ATAD1: variants seen among roughly 807,000 people sequenced by gnomAD.
ATAD1 encodes the protein ATPase family AAA domain containing 1.
A neutral mutation model predicts 42.7 loss-of-function variants in ATAD1; 18 were observed. That is an observed-to-expected ratio of 0.42 (90% CI 0.29 to 0.63). The LOEUF is 0.63. Ranked by LOEUF, ATAD1 falls within the 20% of genes least tolerant of loss-of-function variation. The pLI is 0.19. For synonymous variants in ATAD1, 132 were observed against 143.1 expected, an observed-to-expected ratio of 0.92 and a Z score of 0.55; for missense variants, 294 against 440.4, an observed-to-expected ratio of 0.67 and a Z score of 2.98.
At chr10:87,818,268 C>T, upstream of ATAD1, 1 of 985,410 alleles carries the variant, frequency 1.0e-6, no homozygotes. Flanking sequence ...GCGGCGCACT[C>T]CCTCCCACGG....
At chr10:87,777,025 T>C (rs546716036) in intron 5 of ATAD1, among the ~76,000 whole-genome samples, 14 of 152,356 alleles carry the variant, frequency 9.2e-5, no homozygotes, top group Admixed American at 1.3e-4. Flanking sequence ...TTAGACATTC[T>C]GATACAATAA....
intron 4 of ATAD1, among the ~76,000 whole-genome samples, chr10:87,788,685 C>G (rs566742271): frequency 6.6e-6 from 1 of 152,156 alleles, no homozygotes; most frequent in Non-Finnish European, 1.5e-5. Flanking sequence ...AAAAAAGAAG[C>G]TTTCTCCAAC....
intron 9 of ATAD1, among the ~76,000 whole-genome samples, chr10:87,756,350 T>A (rs1165193873): frequency 6.6e-6 from 1 of 152,246 alleles, no homozygotes; most frequent in African/African-American, 2.4e-5. Flanking sequence ...GTATCTTTGC[T>A]GAAATAAGGC....
chr10:87,809,439 G>A (rs752135837), intron 2 of ATAD1, among the ~76,000 whole-genome samples: 22 of 151,896 alleles, frequency 1.4e-4, no homozygotes, highest in Non-Finnish European at 2.8e-4. Flanking sequence ...GAGGAAGAGA[G>A]GTTGGTCTTT....
rs1348550397 is a variant in ATAD1 at position 87,790,439 on chromosome 10, A to T, written c.262-9T>A. The T allele has an allele frequency of 6.3e-6, 10 of 1,591,622 alleles. No homozygotes were observed. In the South Asian group the frequency reaches 1.2e-4, roughly 19 times the overall value. Reference sequence around the variant, plus strand: ...ATATCACTCCAAGTAACCTGGCAAAAGTTAAGGTCAACATGAATTTTACTA... The same window carrying T: ...ATATCACTCCAAGTAACCTGGCAAATGTTAAGGTCAACATGAATTTTACTA... On this transcript the variant is annotated splice_polypyrimidine_tract_variant and intron_variant, in intron 3 of 9. Coordinates refer to ENST00000680024, the MANE Select transcript of ATAD1 (RefSeq NM_001321967.2).
chr10:87,802,220 G>A (rs951622457), intron 2 of ATAD1, among the ~76,000 whole-genome samples: 6 of 152,156 alleles, frequency 3.9e-5, no homozygotes. Flanking sequence ...GGAATGGTGT[G>A]CTTTCCTTTA....
At chr10:87,827,681 C>G (rs982566945) in intron 1 of ATAD1, among the ~76,000 whole-genome samples, 1 of 152,298 alleles carries the variant, frequency 6.6e-6, no homozygotes, top group South Asian at 2.1e-4. Context: ...GCTCTACCAA[C>G]CAGTCATTCT....
Position 87,814,582 on chromosome 10 carries a change from G to A in ATAD1, c.18C>T (p.Ala6=), listed in dbSNP as rs1857330518. The A allele has an allele frequency of 1.2e-6, 2 of 1,609,378 alleles. No individual in the cohort carries two copies. ...CATTCCGACTCAAAGGACGAGAAAA[G>A]GCTTCAGCATGTACCATCTTGAATG... MVHAE[A]FSRPLSRNEV... is the part of the protein sequence containing the mutation. Residue 6 remains alanine, a synonymous_variant, in exon 2 of 10, where the codon GCC becomes GCT. Transcript: ENST00000680024.
chr10:87,792,624 A>AAAAAAAAATT, intron 3 of ATAD1, 33 bp downstream of exon 3: 2 of 1,448,922 alleles, frequency 1.4e-6, no homozygotes, highest in Non-Finnish European at 1.9e-6. Context: ...CCCCACCTCT[A>AAAAAAAAATT]AAAAAATCTT....
intron 6 of ATAD1, among the ~76,000 whole-genome samples, chr10:87,776,092 G>A (rs1024910962): frequency 5.9e-5 from 9 of 152,278 alleles, no homozygotes; most frequent in Admixed American, 5.9e-4. Context: ...CTCTTCTGCT[G>A]TGTCTGTTTC....
chr10:87,779,266 C>A (rs1404250430), intron 5 of ATAD1, among the ~76,000 whole-genome samples: 2 of 151,732 alleles, frequency 1.3e-5, no homozygotes, highest in Non-Finnish European at 2.9e-5. Flanking sequence ...CCACTGCACT[C>A]CAGCCTGGGC....
intron 1 of ATAD1, among the ~76,000 whole-genome samples, chr10:87,833,770 C>T (rs941975908): frequency 6.9e-6 from 1 of 145,924 alleles, no homozygotes; most frequent in Admixed American, 7.0e-5. Context: ...CTCTGTAGCC[C>T]AGGCTGGAGT....
intron 2 of ATAD1, among the ~76,000 whole-genome samples, chr10:87,812,202 G>A (rs1303326452): frequency 6.6e-6 from 1 of 152,088 alleles, no homozygotes; most frequent in Admixed American, 6.5e-5. Context: ...TTAAAACATT[G>A]TATATCACCC....
At chr10:87,814,938 T>C (rs1857347164) in intron 1 of ATAD1, 1 of 160,412 alleles carries the variant, frequency 6.2e-6, no homozygotes, top group Non-Finnish European at 1.4e-5. Context: ...TTTCAGAGTC[T>C]AGGAAAGTAT....
intron 1 of ATAD1, among the ~76,000 whole-genome samples, chr10:87,840,381 A>T (rs1858009856): frequency 6.6e-6 from 1 of 152,176 alleles, no homozygotes. Context: ...AGCTACTTGA[A>T]GGCTGAGGTG....
At chr10:87,823,937 A>G (rs1857677711) in intron 1 of ATAD1, among the ~76,000 whole-genome samples, 1 of 152,222 alleles carries the variant, frequency 6.6e-6, no homozygotes, top group African/African-American at 2.4e-5. Flanking sequence ...AACATATGTG[A>G]AACTAAAATG....
chr10:87,779,699 C>T (rs939707616), intron 5 of ATAD1, among the ~76,000 whole-genome samples: 12 of 152,106 alleles, frequency 7.9e-5, no homozygotes, highest in Admixed American at 7.9e-4. Context: ...ACACAGATGA[C>T]AAATAAGCAC....
intron 2 of ATAD1, among the ~76,000 whole-genome samples, chr10:87,797,788 C>T (rs1424666661): frequency 6.6e-6 from 1 of 152,118 alleles, no homozygotes; most frequent in African/African-American, 2.4e-5. Context: ...GATCCTGATT[C>T]TACTTCAGAG....
At chr10:87,784,446 A>G (rs373712575) in intron 5 of ATAD1, 24 bp downstream of exon 5, 1 of 1,602,350 alleles carries the variant, frequency 6.2e-7, no homozygotes, top group African/African-American at 1.3e-5. Context: ...CTTTAAAAAT[A>G]CTCATATAGA....
Sources: gnomAD v4.1 joint callset for allele counts (sites outside exome capture counted in the v4.1 genomes callset) on GRCh38, gnomAD v4.1.1 for gene constraint, MANE v1.5 for transcripts, NCBI Gene and HGNC (gene_info 2026-07-23, HGNC 2026-07-21) for gene names.